ONECUT2: variants seen among roughly 807,000 people sequenced by gnomAD.
The protein encoded by ONECUT2 is one cut domain family member 2.
A neutral mutation model predicts 27.9 loss-of-function variants in ONECUT2; 10 were observed. That is an observed-to-expected ratio of 0.36 (90% CI 0.22 to 0.61). The LOEUF (loss-of-function observed/expected upper bound fraction) is 0.61, where lower values mean the gene tolerates loss of function less well. Ranked by LOEUF, ONECUT2 falls within the 20% of genes least tolerant of loss-of-function variation. ONECUT2 has a pLI of 0.73. For synonymous variants in ONECUT2, 334 were observed against 315.1 expected (o/e 1.06, Z -0.64); for missense variants, 686 against 721.0 (o/e 0.95, Z 0.56).
intron 1 of ONECUT2, among the ~76,000 whole-genome samples, chr18:57,472,165 A>C (rs901523035): frequency 6.6e-6 from 1 of 152,210 alleles, no homozygotes; most frequent in Non-Finnish European, 1.5e-5. Context: ...TTGGGTTTCT[A>C]TCGCATCCTT....
rs1025778728 is a variant in ONECUT2, at chr18:57,482,166, G to A, written c.*5443G>A. On this transcript the variant is annotated 3_prime_UTR_variant, in exon 2 of 2. Transcript: ENST00000491143. ...CCAGTTGGTTGTATAAGTCTCATAA[G>A]ATAATGATGTTGATTTTAAATATGG... 3 of 152,150 alleles carry A rather than the reference G, an allele frequency of 2.0e-5. No homozygotes were observed. Among genetic ancestry groups the A allele is most frequent in the African/African-American group, 7.2e-5 (3 of 41,422 alleles). 9.4% of individuals were successfully genotyped at this position (152,150 alleles called of 1,614,324 possible).
chr18:57,438,138 G>T (rs2050153699), intron 1 of ONECUT2, among the ~76,000 whole-genome samples: 1 of 152,246 alleles, frequency 6.6e-6, no homozygotes. Flanking sequence ...ACTGCGACTG[G>T]CACGCAGTTG....
At chr18:57,473,151 T>C in intron 1 of ONECUT2, among the ~76,000 whole-genome samples, 1 of 152,138 alleles carries the variant, frequency 6.6e-6, no homozygotes, top group East Asian at 1.9e-4. Context: ...AATCAGAATT[T>C]CTGGGGGTGG....
At chr18:57,476,337 A>T in intron 1 of ONECUT2, 100 bp from the exon 2 acceptor site, 1 of 1,260,824 alleles carries the variant, frequency 7.9e-7, no homozygotes, top group Non-Finnish European at 1.1e-6. Flanking sequence ...AATAAAGTTT[A>T]ACGGTTTACA....
At chr18:57,470,503 T>C (rs1456202139) in intron 1 of ONECUT2, among the ~76,000 whole-genome samples, 1 of 152,198 alleles carries the variant, frequency 6.6e-6, no homozygotes, top group Non-Finnish European at 1.5e-5. Flanking sequence ...GGATCCAGAC[T>C]TTGGCTTCCA....
At position 57,478,687 on chromosome 18, in the gene ONECUT2, T is replaced by C. The variant is rs953620303; in HGVS notation, c.*1964T>C. On this transcript the variant is annotated 3_prime_UTR_variant, in exon 2 of 2. Transcript: ENST00000491143. ...GTAATCTTAAAGCTGAAGATTGTCT[T>C]TAATTTGTGCCTATGCAGTTTTTCA... The C allele has an allele frequency of 7.9e-5, 12 of 152,624 alleles. No homozygotes were observed. Among genetic ancestry groups the C allele is most frequent in the Non-Finnish European group, 1.6e-4 (11 of 68,032 alleles). The allele number at this position is 152,624 out of a possible 1,614,324, so 9.5% of individuals were successfully genotyped here.
chr18:57,469,930 T>C (rs2050344181), intron 1 of ONECUT2, among the ~76,000 whole-genome samples: 1 of 152,220 alleles, frequency 6.6e-6, no homozygotes, highest in Non-Finnish European at 1.5e-5. Context: ...AAACAGGGTC[T>C]TGGCTTCCAT....
intron 1 of ONECUT2, among the ~76,000 whole-genome samples, chr18:57,463,167 T>TA (rs2050302574): frequency 6.6e-6 from 1 of 152,242 alleles, no homozygotes; most frequent in South Asian, 2.1e-4. Context: ...CCTATCCAGT[T>TA]ATTCCAACTC....
rs868262881 is a variant in ONECUT2, at chr18:57,435,726, G to A, written c.10G>A (p.Ala4Thr). ...GGCCCTGATGGACTGAATGAAGGCT[G>A]CCTACACCGCCTATCGATGCCTCAC... MKAAYTAYRCLTKD... is the reference protein window; with the variant it reads MKATYTAYRCLTKD... The change falls in exon 1 of 2, where the codon GCC becomes ACC. Residue 4 changes from alanine (A) to threonine (T), a missense_variant. Coordinates refer to ENST00000491143, the MANE Select transcript of ONECUT2 (RefSeq NM_004852.3). The A allele has an allele frequency of 8.0e-7, 1 of 1,255,338 alleles. No homozygotes were observed. The highest frequency in any genetic ancestry group is 1.0e-6 in the Non-Finnish European group (1 of 966,014). The allele number at this position is 1,255,338 out of a possible 1,614,324, so 77.8% of individuals were successfully genotyped here.
intron 1 of ONECUT2, among the ~76,000 whole-genome samples, chr18:57,452,639 G>A (rs1194548243): frequency 2.0e-5 from 3 of 152,134 alleles, no homozygotes; most frequent in African/African-American, 7.2e-5. Flanking sequence ...TGGCCAGGCT[G>A]GTCTCGAACT....
At position 57,435,962 on chromosome 18, in the gene ONECUT2, G is replaced by T; in HGVS notation, c.246G>T (p.Pro82=). 7.3e-7 allele frequency: 1 copy of T among 1,362,900 alleles called. No individual in the cohort carries two copies. 84.4% of individuals were successfully genotyped at this position (1,362,900 alleles called of 1,614,324 possible). The change falls in exon 1 of 2, where the codon CCG becomes CCT. Residue 82 remains proline, a synonymous_variant. Transcript: ENST00000491143. ...CCGCTGGCTCGCTGCGGGGCCCTCC[G>T]CCGCCTCCAACCGCGCACCAGGAGC... ...RGAAGSLRGP[P]PPPTAHQELG...
rs2050134435 is a variant in ONECUT2, at chr18:57,435,677, C to A, written c.-40C>A. On this transcript the variant is annotated 5_prime_UTR_variant, in exon 1 of 2. Transcript: ENST00000491143. Reference sequence around the variant, plus strand: ...GCGCGCCTTGCCCGCCCGCCGGCCGCCCCCGCCGCCCCCGCCGCCCCCGGG... The same window carrying A: ...GCGCGCCTTGCCCGCCCGCCGGCCGACCCCGCCGCCCCCGCCGCCCCCGGG... 1 of 994,924 alleles carries A rather than the reference C, an allele frequency of 1.0e-6. No individual in the cohort carries two copies. Among genetic ancestry groups the A allele is most frequent in the Non-Finnish European group, 1.2e-6 (1 of 816,436 alleles). The allele number at this position is 994,924 out of a possible 1,614,324, so 61.6% of individuals were successfully genotyped here.
At chr18:57,444,107 C>T (rs1040212914) in intron 1 of ONECUT2, among the ~76,000 whole-genome samples, 15 of 152,134 alleles carry the variant, frequency 9.9e-5, no homozygotes, top group East Asian at 3.9e-4. Context: ...GAAAAGAACC[C>T]GCAGTGTTAG....
At chr18:57,455,244 C>A (rs1409904432) in intron 1 of ONECUT2, among the ~76,000 whole-genome samples, 1 of 152,152 alleles carries the variant, frequency 6.6e-6, no homozygotes. Flanking sequence ...TCTTTATTCC[C>A]AAATTAGGAT....
chr18:57,476,264 G>A (rs975644410), intron 1 of ONECUT2, among the ~76,000 whole-genome samples, 173 bp from the exon 2 acceptor site: 5 of 152,214 alleles, frequency 3.3e-5, no homozygotes, highest in African/African-American at 1.2e-4. Flanking sequence ...CTCACTCACT[G>A]ATGCCTTCCA....
intron 1 of ONECUT2, among the ~76,000 whole-genome samples, chr18:57,438,398 G>A (rs1485658746): frequency 6.6e-6 from 1 of 152,208 alleles, no homozygotes; most frequent in Non-Finnish European, 1.5e-5. Flanking sequence ...CTTGGGATGC[G>A]CGCGGTTCCG....
intron 1 of ONECUT2, among the ~76,000 whole-genome samples, chr18:57,476,075 G>A (rs1016162264): frequency 1.3e-5 from 2 of 151,918 alleles, no homozygotes; most frequent in Non-Finnish European, 2.9e-5. Flanking sequence ...GCCTCACCAG[G>A]CTTCCCCCAC....
chr18:57,489,310 T>C lies in ONECUT2; in HGVS notation c.*12587T>C, dbSNP rs1480952170. On this transcript the variant is annotated 3_prime_UTR_variant, in exon 2 of 2. Transcript: ENST00000491143. ...TCCTATTGTTTGCTAGGTTATATTT[T>C]AGCAATTCTCAATTCTTTGATCTGG... 6.6e-6 allele frequency: 1 copy of C among 152,196 alleles called. No individual in the cohort carries two copies. The highest frequency in any genetic ancestry group is 1.9e-4 in the East Asian group (1 of 5,192). The allele number at this position is 152,196 out of a possible 1,614,324, so 9.4% of individuals were successfully genotyped here. A position where few individuals can be genotyped will look rare whatever the true frequency, so the allele number is the denominator to read the frequency against.
In ONECUT2 at chr18:57,480,519, A is replaced by G. The variant is rs941058374; in HGVS notation, c.*3796A>G. ...GTAGAGGCTGCCTTTGTGACCTGAC[A>G]TTACAACATTGGTCAAACCAGTCCT... is the stretch of plus-strand genomic sequence containing the variant. On this transcript the variant is annotated 3_prime_UTR_variant, in exon 2 of 2. Transcript: ENST00000491143. The G allele has an allele frequency of 2.0e-5, 3 of 152,100 alleles. No individual in the cohort carries two copies. Among genetic ancestry groups the G allele is most frequent in the Admixed American group, 6.5e-5 (1 of 15,280 alleles). 9.4% of individuals were successfully genotyped at this position (152,100 alleles called of 1,614,324 possible).
Sources: gnomAD v4.1 joint callset for allele counts (sites outside exome capture counted in the v4.1 genomes callset) on GRCh38, gnomAD v4.1.1 for gene constraint, MANE v1.5 for transcripts, NCBI Gene and HGNC (gene_info 2026-07-23, HGNC 2026-07-21) for gene names.